PRKN: variants seen among roughly 807,000 people sequenced by gnomAD.
The protein encoded by PRKN is parkin RBR E3 ubiquitin protein ligase, also known as E3 ubiquitin-protein ligase parkin.
PRKN carries 56 observed loss-of-function variants against 59.5 expected under a neutral mutation model. That is an observed-to-expected ratio of 0.94 (90% confidence interval 0.76 to 1.18). The LOEUF is 1.18. Ranked by LOEUF, PRKN falls within the 50% of genes most tolerant of loss-of-function variation. The pLI, the probability that PRKN is intolerant of heterozygous loss-of-function variation, is 0.00. For missense variants in PRKN, 657 were observed against 596.4 expected, an observed-to-expected ratio of 1.10 and a Z score of -1.06; for synonymous variants, 250 against 222.1, an observed-to-expected ratio of 1.13 and a Z score of -1.12.
chr6:162,021,462 T>TATATA (rs1554261961), intron 5 of PRKN, among the ~76,000 whole-genome samples: 455 of 38,692 alleles, frequency 0.012, no homozygotes, highest in African/African-American at 0.031. Flanking sequence ...TATATATATA[T>TATATA]TTTTTTTTTT....
chr6:162,129,999 G>C (rs1311206682), intron 4 of PRKN, among the ~76,000 whole-genome samples: 1 of 152,128 alleles, frequency 6.6e-6, no homozygotes, highest in Non-Finnish European at 1.5e-5. Flanking sequence ...TAGAATTGAG[G>C]AGTAGAGAAT....
chr6:161,571,448 TGG>T (rs1487121022), intron 7 of PRKN, among the ~76,000 whole-genome samples: 1 of 152,144 alleles, frequency 6.6e-6, no homozygotes, highest in African/African-American at 2.4e-5. Context: ...AGTGTTTGTC[TGG>T]GGGAGGGCAG....
intron 1 of PRKN, among the ~76,000 whole-genome samples, chr6:162,502,087 A>C (rs555492679): frequency 1.3e-5 from 2 of 152,318 alleles, no homozygotes; most frequent in South Asian, 4.1e-4. Flanking sequence ...TGCAGTTAAA[A>C]TATATGTACA....
Position 162,082,389 on chromosome 6 carries a change from C to T in PRKN, c.535-28215G>A, listed in dbSNP as rs562212036. On this transcript the variant is annotated intron_variant, in intron 4 of 11. Coordinates refer to ENST00000366898, the MANE Select transcript of PRKN (RefSeq NM_004562.3). ...GTCTCAGGTATATCTTTATCAGCAA[C>T]GTGAGAACAGACTAATACAGCCTTC... Among the ~76,000 whole-genome samples the T allele has an allele frequency of 4.6e-5, 7 of 152,156 alleles. No homozygotes were observed. The East Asian group carries it at 5.8e-4, about 13-fold the overall frequency.
At chr6:162,465,151 T>A (rs1019541772) in intron 1 of PRKN, among the ~76,000 whole-genome samples, 1 of 152,180 alleles carries the variant, frequency 6.6e-6, no homozygotes, top group Non-Finnish European at 1.5e-5. Context: ...GCATCACTTC[T>A]ATGAACATTT....
rs369322449 is a variant in PRKN, at chr6:162,611,956, C to A, written c.7+115706G>T. Reference sequence around the variant, plus strand: ...ATCCCAGCACTTTGGGAGGCCAAGGCGGGCGTATCATAAGGTCAGGAGATC... The same window carrying A: ...ATCCCAGCACTTTGGGAGGCCAAGGAGGGCGTATCATAAGGTCAGGAGATC... On this transcript the variant is annotated intron_variant, in intron 1 of 11. Coordinates refer to ENST00000366898, the MANE Select transcript of PRKN (RefSeq NM_004562.3). Among the ~76,000 whole-genome samples the A allele has an allele frequency of 1.8e-3, 267 of 151,610 alleles. 2 individuals carry two copies. The highest frequency in any genetic ancestry group is 0.011 in the East Asian group (58 of 5,124).
chr6:161,933,015 C>G (rs1474472960), intron 6 of PRKN, among the ~76,000 whole-genome samples: 5 of 152,312 alleles, frequency 3.3e-5, no homozygotes, highest in African/African-American at 1.2e-4. Flanking sequence ...TGTGATGGCT[C>G]ACGCCTGTAA....
At chr6:161,896,248 ACT>A (rs1212574687) in intron 6 of PRKN, among the ~76,000 whole-genome samples, 1 of 152,084 alleles carries the variant, frequency 6.6e-6, no homozygotes, top group Non-Finnish European at 1.5e-5. Flanking sequence ...ACCTGGGCAG[ACT>A]CTGTGACTAC....
At position 161,410,931 on chromosome 6, in the gene PRKN, G is replaced by A. The variant is rs1057215349; in HGVS notation, c.1084-24054C>T. Among the ~76,000 whole-genome samples the A allele has an allele frequency of 6.6e-6, 1 of 152,114 alleles. No homozygotes were observed. The highest frequency in any genetic ancestry group is 1.9e-4 in the East Asian group (1 of 5,194). On this transcript the variant is annotated intron_variant, in intron 9 of 11. Transcript: ENST00000366898. The surrounding 1 kb of genome is among the most constrained non-coding windows in gnomAD (Gnocchi z 5.3). ...TGGTTTGATCATGTTTACAAAATCT[G>A]GCTAAACAGGAAGTTTCATCCTGAA...
intron 9 of PRKN, among the ~76,000 whole-genome samples, chr6:161,452,854 TTC>T (rs138156168): frequency 2.2e-4 from 33 of 149,500 alleles, no homozygotes; most frequent in Admixed American, 3.4e-4. Context: ...TAAATCCAAA[TTC>T]TCTCTCTCTC....
chr6:162,453,978 A>G (rs969475363), intron 1 of PRKN, among the ~76,000 whole-genome samples: 1 of 152,188 alleles, frequency 6.6e-6, no homozygotes, highest in Non-Finnish European at 1.5e-5. Context: ...CAAAGAAAGG[A>G]GAAGAAAGAC....
intron 6 of PRKN, among the ~76,000 whole-genome samples, chr6:161,799,439 C>T (rs556852133): frequency 5.9e-5 from 9 of 152,326 alleles, no homozygotes; most frequent in African/African-American, 1.4e-4. Flanking sequence ...AAGCTGAAAA[C>T]ACCATCTCCC....
Position 162,411,906 on chromosome 6 carries a change from C to T in PRKN, c.171+31404G>A, listed in dbSNP as rs553765088. ...ATATTAGAAATTTGAATCTATCAAC[C>T]CTGATACTTCTTTAGATCCTGGAAC... On this transcript the variant is annotated intron_variant, in intron 2 of 11. Coordinates refer to ENST00000366898, the MANE Select transcript of PRKN (RefSeq NM_004562.3). 1.4e-4 allele frequency among the ~76,000 whole-genome samples: 21 copies of T among 152,204 alleles called. No individual in the cohort carries two copies. In the South Asian group the frequency reaches 4.4e-3, roughly 32 times the overall value.
intron 7 of PRKN, among the ~76,000 whole-genome samples, chr6:161,717,260 G>T (rs984271748): frequency 6.6e-6 from 1 of 152,214 alleles, no homozygotes; most frequent in African/African-American, 2.4e-5. Flanking sequence ...ACCAGCCCAT[G>T]ATGGAATGCG....
intron 1 of PRKN, among the ~76,000 whole-genome samples, chr6:162,524,660 C>A (rs541278643): frequency 6.6e-6 from 1 of 152,156 alleles, no homozygotes; most frequent in Non-Finnish European, 1.5e-5. Flanking sequence ...CATTTACCAG[C>A]ACCTAAACTA....
Position 161,360,163 on chromosome 6 carries a change from C to G in PRKN, c.1210G>C (p.Glu404Gln), listed in dbSNP as rs1434366429. 6.2e-7 allele frequency: 1 copy of G among 1,614,060 alleles called. No homozygotes were observed. The highest frequency in any genetic ancestry group is 8.5e-7 in the Non-Finnish European group (1 of 1,180,028). The change falls in exon 11 of 12, where the codon GAA becomes CAA. Residue 404 changes from glutamate to glutamine, a missense_variant. Glu to Gln is a conservative substitution (Grantham distance 29, BLOSUM62 2). Coordinates refer to ENST00000366898, the MANE Select transcript of PRKN (RefSeq NM_004562.3). The surrounding 1 kb of genome is among the most constrained non-coding windows in gnomAD (Gnocchi z 5.1). ...TTGATGGTTTCTTTGGAGGCTGCTTCCCAACGAGCCTGCTCGGCGGCTCTT... is the reference window on the plus strand; with the variant it reads ...TTGATGGTTTCTTTGGAGGCTGCTTGCCAACGAGCCTGCTCGGCGGCTCTT... The part of the protein sequence containing the change: ...DERAAEQARW[E>Q]AASKETIKKT...
chr6:161,491,805 AT>A (rs1439090552), intron 9 of PRKN, among the ~76,000 whole-genome samples: 1 of 151,720 alleles, frequency 6.6e-6, no homozygotes, highest in African/African-American at 2.4e-5. Flanking sequence ...TAATTTTTGT[AT>A]TTTTTAGTAG....
At chr6:162,624,165 T>C (rs1051910278) in intron 1 of PRKN, among the ~76,000 whole-genome samples, 2 of 151,614 alleles carry the variant, frequency 1.3e-5, no homozygotes, top group South Asian at 4.2e-4. Flanking sequence ...GGAGAATCGC[T>C]TGAACCCAGG....
chr6:162,033,541 T>A (rs1783720319), intron 5 of PRKN, among the ~76,000 whole-genome samples: 1 of 152,214 alleles, frequency 6.6e-6, no homozygotes, highest in South Asian at 2.1e-4. Context: ...TTAAAGGAAT[T>A]TTAAAGATCA....
Sources: gnomAD v4.1 joint callset for allele counts (sites outside exome capture counted in the v4.1 genomes callset) on GRCh38, gnomAD v4.1.1 for gene constraint, Gnocchi (gnomAD v3.1) non-coding constraint, MANE v1.5 for transcripts, NCBI Gene and HGNC (gene_info 2026-07-23, HGNC 2026-07-21) for gene names.